The following SYNE1 variants were observed in gnomAD, a reference collection of about 807,000 sequenced individuals.
The protein encoded by SYNE1 is spectrin repeat containing nuclear envelope protein 1.
Under a neutral mutation model 1,111.0 loss-of-function variants are expected in SYNE1, and 616 were observed. That is an observed-to-expected ratio of 0.55 (90% CI 0.52 to 0.59). The LOEUF is 0.59. Ranked by LOEUF, SYNE1 falls within the 20% of genes least tolerant of loss-of-function variation. The pLI, the probability that SYNE1 is intolerant of heterozygous loss-of-function variation, is 0.00. For synonymous variants in SYNE1, 3,855 were observed against 3,825.8 expected, an observed-to-expected ratio of 1.01 and a Z score of -0.28; for missense variants, 10,006 against 10,417.0, an observed-to-expected ratio of 0.96 and a Z score of 1.72.
At chr6:152,588,710 T>C (rs1407818303) in intron 3 of SYNE1, among the ~76,000 whole-genome samples, 3 of 152,154 alleles carry the variant, frequency 2.0e-5, no homozygotes, top group Non-Finnish European at 4.4e-5. Flanking sequence ...TGGTGAACAT[T>C]AGAAGGGAGA....
chr6:152,547,880 G>T (rs369176426), intron 3 of SYNE1, among the ~76,000 whole-genome samples: 151 of 152,164 alleles, frequency 9.9e-4, no homozygotes, highest in African/African-American at 3.5e-3. Flanking sequence ...ATATTCAATT[G>T]TATGTGTGTG....
At chr6:152,349,118 C>A (rs1169821498) in intron 72 of SYNE1, among the ~76,000 whole-genome samples, 1 of 152,206 alleles carries the variant, frequency 6.6e-6, no homozygotes, top group Admixed American at 6.5e-5. Flanking sequence ...TCCTAAGACG[C>A]ACTGTCAGAC....
chr6:152,149,517 C>T lies in SYNE1; in HGVS notation c.24602G>A (p.Gly8201Glu). The T allele has an allele frequency of 1.2e-6, 2 of 1,614,176 alleles. No individual in the cohort carries two copies. Among genetic ancestry groups the T allele is most frequent in the Non-Finnish European group, 1.7e-6 (2 of 1,180,048 alleles). ...ELRRYCQEVFGRVERYHKKLI... is the reference protein window; with the variant it reads ...ELRRYCQEVFERVERYHKKLI... ...TTTCTTATGGTATCTTTCCACACGC[C>T]CGAAGACCTCCTGGCAGTACCGTCG... Residue 8201 changes from glycine (G) to glutamate (E), a missense_variant, in exon 136 of 146, where the codon GGG (glycine) becomes GAG (glutamate). Around this residue, in one of 7 missense-constraint regions of SYNE1, gnomAD observed 761 missense variants for 795.5 expected, o/e 0.96. Transcript: ENST00000367255.
chr6:152,617,605 T>C (rs777557263), intron 3 of SYNE1, among the ~76,000 whole-genome samples: 7 of 152,234 alleles, frequency 4.6e-5, no homozygotes, highest in Non-Finnish European at 8.8e-5. Context: ...TACCTACTTG[T>C]GCTTAGTACT....
At chr6:152,567,955 G>C (rs1398301729) in intron 3 of SYNE1, among the ~76,000 whole-genome samples, 3 of 152,140 alleles carry the variant, frequency 2.0e-5, no homozygotes, top group Non-Finnish European at 4.4e-5. Context: ...TGTCTATCTA[G>C]ACAAAATGAG....
intron 51 of SYNE1, among the ~76,000 whole-genome samples, chr6:152,392,602 G>A (rs1342962703): frequency 1.3e-5 from 2 of 151,898 alleles, no homozygotes; most frequent in East Asian, 1.9e-4. Flanking sequence ...ATATCCTATG[G>A]GCCACCCTGA....
At chr6:152,194,992 C>T (rs1333905956) in intron 127 of SYNE1, among the ~76,000 whole-genome samples, 1 of 152,152 alleles carries the variant, frequency 6.6e-6, no homozygotes, top group Non-Finnish European at 1.5e-5. Context: ...GCAATCTTAG[C>T]TCACTGCAAC....
At chr6:152,430,337 T>C (rs1479596852) in intron 35 of SYNE1, 127 bp from the exon 36 acceptor site, 3 of 1,114,392 alleles carry the variant, frequency 2.7e-6, no homozygotes, top group South Asian at 2.7e-5. Flanking sequence ...TAAAATGCAT[T>C]CTTTAAACAT....
Position 152,347,182 on chromosome 6 carries a change from C to A in SYNE1, c.11955G>T (p.Met3985Ile). The A allele has an allele frequency of 6.2e-7, 1 of 1,614,240 alleles. No individual in the cohort carries two copies. The highest frequency in any genetic ancestry group is 8.5e-7 in the Non-Finnish European group (1 of 1,180,048). Reference sequence around the variant, plus strand: ...ATTGGCCAATCAAAGTATCACCTTTCATTTGAAGATTGTTCAAACGGTCTT... The same window carrying A: ...ATTGGCCAATCAAAGTATCACCTTTAATTTGAAGATTGTTCAAACGGTCTT... Reference protein sequence around the residue: ...GFEDRLNNLQMKGDTLIGQCA... With the variant: ...GFEDRLNNLQIKGDTLIGQCA... Residue 3985 changes from methionine (M) to isoleucine (I), a missense_variant, in exon 73 of 146, where the codon ATG (methionine) becomes ATT (isoleucine). By Grantham distance (10) the Met-to-Ile change is conservative. Around this residue, in one of 7 missense-constraint regions of SYNE1, gnomAD observed 4,955 missense variants for 5,017.2 expected, o/e 0.99. Transcript: ENST00000367255.
At chr6:152,488,060 G>A (rs2154300081) in intron 12 of SYNE1, among the ~76,000 whole-genome samples, 1 of 137,726 alleles carries the variant, frequency 7.3e-6, no homozygotes, top group Non-Finnish European at 1.5e-5. Context: ...GGGAGAGAGA[G>A]TGAGACTCCG....
At chr6:152,128,290 G>A (rs1161394455) in intron 145 of SYNE1, 2 of 152,174 alleles carry the variant, frequency 1.3e-5, no homozygotes, top group East Asian at 1.9e-4. Flanking sequence ...ATGAATGTAT[G>A]CACAGATTTT....
chr6:152,517,169 A>C (rs1461722109), intron 6 of SYNE1, among the ~76,000 whole-genome samples: 1 of 152,230 alleles, frequency 6.6e-6, no homozygotes, highest in Admixed American at 6.5e-5. Flanking sequence ...CTAGAATCTA[A>C]GTTTTCTGTA....
At chr6:152,343,549 G>A (rs902940421) in intron 74 of SYNE1, among the ~76,000 whole-genome samples, 3 of 146,016 alleles carry the variant, frequency 2.1e-5, no homozygotes, top group African/African-American at 7.7e-5. Context: ...AATTTTTCAA[G>A]ACAGAGTCTT....
chr6:152,384,369 C>T (rs773541773), intron 55 of SYNE1, among the ~76,000 whole-genome samples: 3 of 152,110 alleles, frequency 2.0e-5, no homozygotes, highest in Admixed American at 6.6e-5. Flanking sequence ...AGGGAATGCA[C>T]AGTCCTGGCT....
intron 116 of SYNE1, among the ~76,000 whole-genome samples, chr6:152,224,948 CAT>C (rs1462986250): frequency 4.8e-5 from 7 of 145,000 alleles, no homozygotes; most frequent in Admixed American, 2.1e-4. Flanking sequence ...TATGTATACA[CAT>C]ATATATGTGT....
rs2099630602 is a variant in SYNE1, at chr6:152,611,300, G to A, written c.67+16965C>T. 2.2e-5 allele frequency among the ~76,000 whole-genome samples: 3 copies of A among 137,260 alleles called. No individual in the cohort carries two copies. In the Admixed American group the frequency reaches 2.3e-4, roughly 10 times the overall value. The allele number at this position is 137,260 out of a possible 152,430, so 90.0% of individuals were successfully genotyped here. ...GGCTCAAAATAAAGGGATGGAGGAA[G>A]ATCTACCAAGCAAATGGAAAGCAAA... On this transcript the variant is annotated intron_variant, in intron 3 of 145. Transcript: ENST00000367255.
chr6:152,524,299 A>G (rs745757278), intron 5 of SYNE1, among the ~76,000 whole-genome samples: 78 of 152,266 alleles, frequency 5.1e-4, no homozygotes, highest in Non-Finnish European at 9.3e-4. Context: ...ACACTTATTG[A>G]GATGCCCATA....
chr6:152,495,197 C>T (rs2098992608), intron 11 of SYNE1, among the ~76,000 whole-genome samples: 1 of 152,192 alleles, frequency 6.6e-6, no homozygotes. Context: ...TTCGCCCCTG[C>T]CCAGGATTGG....
At chr6:152,415,122 G>A (rs1173404693) in intron 41 of SYNE1, among the ~76,000 whole-genome samples, 5 of 151,894 alleles carry the variant, frequency 3.3e-5, no homozygotes, top group Non-Finnish European at 1.5e-5. Context: ...TTTGCCCACT[G>A]AAAAAAATGG....
Sources: allele counts gnomAD v4.1 joint callset (sites outside exome capture counted in the v4.1 genomes callset), GRCh38; gene constraint gnomAD v4.1.1; regional missense constraint gnomAD v4.1.1; transcripts MANE v1.5; gene names NCBI Gene and HGNC (gene_info 2026-07-23, HGNC 2026-07-21).